GALNTL6: variants seen among roughly 807,000 people sequenced by gnomAD.
GALNTL6 encodes the protein polypeptide N-acetylgalactosaminyltransferase like 6.
In GALNTL6, 46 loss-of-function variants were observed where a neutral mutation model predicts 73.7. The observed-to-expected ratio is 0.62, with a 90% CI of 0.49 to 0.80. The LOEUF (loss-of-function observed/expected upper bound fraction) is 0.80, where lower values mean the gene tolerates loss of function less well. GALNTL6 is among the 30% of genes least tolerant of loss of function. The probability of loss-of-function intolerance (pLI) is 0.00; values close to 1 mark genes in which losing one functional copy is unlikely to be tolerated. For missense variants in GALNTL6, 604 were observed against 755.0 expected, an observed-to-expected ratio of 0.80 and a Z score of 2.34; for synonymous variants, 259 against 263.7, an observed-to-expected ratio of 0.98 and a Z score of 0.17.
chr4:172,133,232 C>T (rs1008464367), intron 2 of GALNTL6, among the ~76,000 whole-genome samples: 1 of 152,134 alleles, frequency 6.6e-6, no homozygotes, highest in Non-Finnish European at 1.5e-5. Flanking sequence ...AAGTATGTGG[C>T]TAACTTGCTA....
Position 172,505,922 on chromosome 4 carries a change from G to C in GALNTL6, c.553+157233G>C, listed in dbSNP as rs1194624092. ...GCCTTAGAAACACAATGAAAGTTTA[G>C]TTGGGAGTAAAACCATCCCTATAAA... On this transcript the variant is annotated intron_variant, in intron 5 of 12. Transcript: ENST00000506823. Among the ~76,000 whole-genome samples, 4 of 53,850 alleles carry C rather than the reference G, an allele frequency of 7.4e-5. 2 individuals are homozygous for C. Among genetic ancestry groups the C allele is most frequent in the African/African-American group, 1.9e-4 (4 of 21,468 alleles). 35.3% of individuals were successfully genotyped at this position (53,850 alleles called of 152,430 possible).
chr4:172,477,804 T>C (rs1409014973), intron 5 of GALNTL6, among the ~76,000 whole-genome samples: 1 of 152,180 alleles, frequency 6.6e-6, no homozygotes, highest in African/African-American at 2.4e-5. Flanking sequence ...GGAAACACAA[T>C]TGACTCTTTA....
chr4:172,924,677 C>G (rs536586056), intron 8 of GALNTL6, among the ~76,000 whole-genome samples: 1 of 152,184 alleles, frequency 6.6e-6, no homozygotes, highest in East Asian at 1.9e-4. Flanking sequence ...GAAACCTGAT[C>G]CTTCCTAAGG....
intron 5 of GALNTL6, among the ~76,000 whole-genome samples, chr4:172,612,054 A>G (rs746705096): frequency 7.9e-5 from 12 of 152,124 alleles, no homozygotes; most frequent in Non-Finnish European, 1.5e-4. Flanking sequence ...TAGGAGGAAG[A>G]TAAAGCATAA....
chr4:172,551,542 A>G (rs898560019), intron 5 of GALNTL6, among the ~76,000 whole-genome samples: 2 of 152,168 alleles, frequency 1.3e-5, no homozygotes, highest in East Asian at 3.8e-4. Flanking sequence ...AACAATGTAA[A>G]TACGACTTAA....
intron 5 of GALNTL6, among the ~76,000 whole-genome samples, chr4:172,617,975 A>G (rs1738807585): frequency 1.3e-5 from 2 of 152,192 alleles, no homozygotes; most frequent in South Asian, 4.1e-4. Context: ...TCCATCTGGA[A>G]CCCTGTCTTG....
intron 5 of GALNTL6, among the ~76,000 whole-genome samples, chr4:172,630,516 G>A (rs1739347905): frequency 6.6e-6 from 1 of 152,014 alleles, no homozygotes; most frequent in Non-Finnish European, 1.5e-5. Context: ...AGAAACTGGA[G>A]GGGAAAAATC....
At chr4:172,917,994 C>T (rs1747610938) in intron 8 of GALNTL6, among the ~76,000 whole-genome samples, 1 of 152,136 alleles carries the variant, frequency 6.6e-6, no homozygotes, top group African/African-American at 2.4e-5. Flanking sequence ...GACTTGGAAC[C>T]AACCCAAATG....
intron 5 of GALNTL6, among the ~76,000 whole-genome samples, chr4:172,374,994 C>T (rs189491873): frequency 2.8e-4 from 43 of 152,310 alleles, no homozygotes; most frequent in African/African-American, 9.6e-4. Flanking sequence ...TCCCCTCCCC[C>T]TATAGCTTGA....
At chr4:172,401,539 T>G (rs1319697546) in intron 5 of GALNTL6, among the ~76,000 whole-genome samples, 1 of 152,122 alleles carries the variant, frequency 6.6e-6, no homozygotes, top group Non-Finnish European at 1.5e-5. Context: ...GCAAATATTT[T>G]TAAATTAGGA....
At chr4:171,960,656 T>TA (rs908413266) in intron 2 of GALNTL6, among the ~76,000 whole-genome samples, 11 of 141,420 alleles carry the variant, frequency 7.8e-5, no homozygotes, top group African/African-American at 2.2e-4. Context: ...TAAATTTTTT[T>TA]AAAAAAACTC....
At chr4:172,798,602 A>G (rs992164432) in intron 5 of GALNTL6, among the ~76,000 whole-genome samples, 2 of 152,176 alleles carry the variant, frequency 1.3e-5, no homozygotes, top group African/African-American at 4.8e-5. Context: ...AGTCTCCAGT[A>G]CTTCTTTATA....
chr4:172,943,266 G>A (rs1384389842), intron 9 of GALNTL6, among the ~76,000 whole-genome samples: 3 of 152,038 alleles, frequency 2.0e-5, no homozygotes, highest in African/African-American at 7.2e-5. Flanking sequence ...CTCCTACTCA[G>A]CACTCATAGC....
chr4:171,891,442 ATGT>A (rs1736760237), intron 2 of GALNTL6, among the ~76,000 whole-genome samples: 1 of 152,150 alleles, frequency 6.6e-6, no homozygotes, highest in Non-Finnish European at 1.5e-5. Context: ...AATTATTTGT[ATGT>A]TGTTGTACTA....
chr4:172,884,402 G>A (rs965726823), intron 8 of GALNTL6, among the ~76,000 whole-genome samples: 1 of 152,002 alleles, frequency 6.6e-6, no homozygotes, highest in African/African-American at 2.4e-5. Context: ...ATACCTGTTG[G>A]CCATTTGTAT....
At chr4:172,733,598 G>A (rs976602779) in intron 5 of GALNTL6, among the ~76,000 whole-genome samples, 4 of 152,112 alleles carry the variant, frequency 2.6e-5, no homozygotes, top group African/African-American at 9.7e-5. Flanking sequence ...TTGTTCCCAT[G>A]CTGTTCTCAT....
chr4:171,978,534 A>T (rs1739788294), intron 2 of GALNTL6, among the ~76,000 whole-genome samples: 2 of 152,300 alleles, frequency 1.3e-5, no homozygotes, highest in South Asian at 4.2e-4. Context: ...ATGGTAGTTC[A>T]GCTGTGTGTC....
intron 5 of GALNTL6, among the ~76,000 whole-genome samples, chr4:172,700,230 T>G (rs1196175425): frequency 6.6e-6 from 1 of 152,148 alleles, no homozygotes; most frequent in African/African-American, 2.4e-5. Flanking sequence ...TTGACTTTAT[T>G]CTGGGTCAAA....
rs531330923 is a variant in GALNTL6, at chr4:171,966,649, G to A, written c.138+151931G>A. Reference sequence around the variant, plus strand: ...TATTTAAAAGGTCTTATCTTTGAGAGCCTCTGCATTGGGCTTTACCTCCAT... The same window carrying A: ...TATTTAAAAGGTCTTATCTTTGAGAACCTCTGCATTGGGCTTTACCTCCAT... On this transcript the variant is annotated intron_variant, in intron 2 of 12. Coordinates refer to ENST00000506823, the MANE Select transcript of GALNTL6 (RefSeq NM_001034845.3). 3.7e-3 allele frequency among the ~76,000 whole-genome samples: 557 copies of A among 152,256 alleles called. 1 individual carries two copies. The highest frequency in any genetic ancestry group is 0.013 in the African/African-American group (520 of 41,554).
Sources: allele counts gnomAD v4.1 joint callset (sites outside exome capture counted in the v4.1 genomes callset), GRCh38; gene constraint gnomAD v4.1.1; transcripts MANE v1.5; gene names NCBI Gene and HGNC (gene_info 2026-07-23, HGNC 2026-07-21).